ARHGAP26: variants seen among roughly 807,000 people sequenced by gnomAD.
ARHGAP26 encodes the protein rho GTPase-activating protein 26.
A neutral mutation model predicts 104.8 loss-of-function variants in ARHGAP26; 38 were observed. That is an observed-to-expected ratio of 0.36 (90% CI 0.28 to 0.48). The LOEUF (loss-of-function observed/expected upper bound fraction) is 0.48, where lower values mean the gene tolerates loss of function less well. Among genes scored for constraint, ARHGAP26 ranks in the 20% least tolerant of loss-of-function variants. The probability of loss-of-function intolerance (pLI) is 0.99; values close to 1 mark genes in which losing one functional copy is unlikely to be tolerated. For synonymous variants in ARHGAP26, 341 were observed against 340.0 expected (o/e 1.00, Z -0.03); for missense variants, 704 against 947.9 (o/e 0.74, Z 3.38).
At chr5:142,789,656 T>C (rs1488878298) in intron 1 of ARHGAP26, among the ~76,000 whole-genome samples, 2 of 152,202 alleles carry the variant, frequency 1.3e-5, no homozygotes, top group African/African-American at 4.8e-5. Context: ...CTGATCTCCA[T>C]TCGCTGGTCA....
intron 11 of ARHGAP26, among the ~76,000 whole-genome samples, chr5:142,959,713 C>T (rs1416453675): frequency 6.6e-6 from 1 of 152,182 alleles, no homozygotes; most frequent in Non-Finnish European, 1.5e-5. Context: ...TCAATTAAGC[C>T]CATCTGGATA....
chr5:142,860,280 GC>G (rs1753102181), intron 1 of ARHGAP26: 1 of 152,236 alleles, frequency 6.6e-6, no homozygotes, highest in Non-Finnish European at 1.5e-5. Context: ...CTGGTTGAAT[GC>G]CCATGAAGCC....
At chr5:143,209,735 C>T (rs767623708) in intron 21 of ARHGAP26, among the ~76,000 whole-genome samples, 15 of 151,378 alleles carry the variant, frequency 9.9e-5, no homozygotes, top group East Asian at 9.7e-4. Flanking sequence ...GAGCCAAGAT[C>T]GTGCCATTGC....
intron 1 of ARHGAP26, among the ~76,000 whole-genome samples, chr5:142,836,712 TAAA>T (rs1351011805): frequency 6.6e-6 from 1 of 152,244 alleles, no homozygotes; most frequent in African/African-American, 2.4e-5. Context: ...ATTGCAAATA[TAAA>T]TAAGACTTTA....
At chr5:142,853,159 T>TA (rs1751819584) in intron 1 of ARHGAP26, among the ~76,000 whole-genome samples, 2 of 152,166 alleles carry the variant, frequency 1.3e-5, no homozygotes, top group African/African-American at 4.8e-5. Flanking sequence ...AACTTATCTT[T>TA]ATGGTAGCTT....
chr5:142,962,160 T>C (rs1385985386), intron 11 of ARHGAP26, among the ~76,000 whole-genome samples: 1 of 152,214 alleles, frequency 6.6e-6, no homozygotes, highest in Non-Finnish European at 1.5e-5. Context: ...TTCTACAGAT[T>C]ATACCAGACA....
intron 5 of ARHGAP26, among the ~76,000 whole-genome samples, chr5:142,889,577 C>T (rs544349420): frequency 8.6e-5 from 13 of 151,990 alleles, no homozygotes; most frequent in Admixed American, 8.5e-4. Flanking sequence ...GAGATCATGC[C>T]ACTCCACTCC....
At chr5:142,850,495 AGTT>A (rs1447719816) in intron 1 of ARHGAP26, among the ~76,000 whole-genome samples, 1 of 152,248 alleles carries the variant, frequency 6.6e-6, no homozygotes, top group East Asian at 1.9e-4. Context: ...AGCATGGTAG[AGTT>A]GTTAAGAGTA....
intron 20 of ARHGAP26, among the ~76,000 whole-genome samples, chr5:143,167,445 T>C (rs1196726861): frequency 8.4e-6 from 1 of 119,518 alleles, no homozygotes; most frequent in Non-Finnish European, 1.6e-5. Flanking sequence ...ATCACACCAC[T>C]GCACTCCAGC....
chr5:142,806,406 TA>T (rs1431816970), intron 1 of ARHGAP26, among the ~76,000 whole-genome samples: 1 of 152,214 alleles, frequency 6.6e-6, no homozygotes, highest in African/African-American at 2.4e-5. Context: ...GACAACTTTT[TA>T]ATTCAGTGAT....
intron 20 of ARHGAP26, among the ~76,000 whole-genome samples, chr5:143,206,018 GTTAT>G (rs1369167612): frequency 1.3e-5 from 2 of 152,180 alleles, no homozygotes; most frequent in Non-Finnish European, 2.9e-5. Flanking sequence ...GGTTTTTGCT[GTTAT>G]TTGTCTATAG....
intron 11 of ARHGAP26, among the ~76,000 whole-genome samples, chr5:142,965,964 G>T (rs1320796572): frequency 1.3e-5 from 2 of 152,182 alleles, no homozygotes; most frequent in African/African-American, 4.8e-5. Flanking sequence ...TTAATAGCCG[G>T]TTCTAAATAA....
chr5:142,961,382 C>A, intron 11 of ARHGAP26, among the ~76,000 whole-genome samples: 1 of 151,598 alleles, frequency 6.6e-6, no homozygotes, highest in East Asian at 1.9e-4. Context: ...GTTCCAGCTA[C>A]GTGGGAAGCT....
At chr5:143,012,537 T>TTATATATATATGTATATATATATATATA (rs752338630) in intron 11 of ARHGAP26, among the ~76,000 whole-genome samples, 2 of 17,646 alleles carry the variant, frequency 1.1e-4, no homozygotes, top group African/African-American at 1.8e-4. Context: ...AGGGATATAT[T>TTATATATATATGTATATATATATATATA]TATATACATA....
In ARHGAP26 at chr5:142,939,277, A is replaced by G. The variant is rs79920660; in HGVS notation, c.1107+7152A>G. ...TGAATTGTTAGGAAGTCACAGTTGA[A>G]TGGTATCAACCTTTACTTTTTAAGT... On this transcript the variant is annotated intron_variant, in intron 11 of 22. Coordinates refer to ENST00000645722, the MANE Select transcript of ARHGAP26 (RefSeq NM_001135608.3). Among the ~76,000 whole-genome samples, 376 of 152,262 alleles carry G rather than the reference A, an allele frequency of 2.5e-3. 3 individuals are homozygous for G. Among genetic ancestry groups the G allele is most frequent in the African/African-American group, 7.7e-3 (318 of 41,560 alleles).
intron 20 of ARHGAP26, among the ~76,000 whole-genome samples, chr5:143,176,724 A>T (rs7700697): frequency 1.3e-5 from 2 of 152,210 alleles, no homozygotes; most frequent in Non-Finnish European, 2.9e-5. Context: ...ACGTAAACCT[A>T]AGTAGCAGAC....
intron 11 of ARHGAP26, among the ~76,000 whole-genome samples, chr5:142,985,774 G>T (rs1228667117): frequency 6.6e-6 from 1 of 150,998 alleles, no homozygotes; most frequent in Non-Finnish European, 1.5e-5. Flanking sequence ...TTCTGTCCTT[G>T]CGATAGTTTG....
At chr5:142,988,102 T>C (rs1027398034) in intron 11 of ARHGAP26, among the ~76,000 whole-genome samples, 5 of 152,198 alleles carry the variant, frequency 3.3e-5, no homozygotes, top group African/African-American at 9.7e-5. Flanking sequence ...TGGTAGAATT[T>C]GGCTGTGAAT....
chr5:143,193,547 G>A (rs754418374), intron 20 of ARHGAP26, among the ~76,000 whole-genome samples: 2 of 152,090 alleles, frequency 1.3e-5, no homozygotes, highest in Admixed American at 6.5e-5. Flanking sequence ...ACCATGCCCC[G>A]GCCTACAGTG....
Sources: allele counts gnomAD v4.1 joint callset (sites outside exome capture counted in the v4.1 genomes callset), GRCh38; gene constraint gnomAD v4.1.1; transcripts MANE v1.5; gene names NCBI Gene and HGNC (gene_info 2026-07-23, HGNC 2026-07-21).